The following CACNA1D variants were observed in gnomAD, a reference collection of about 807,000 sequenced individuals.
CACNA1D encodes calcium voltage-gated channel subunit alpha1 D.
CACNA1D carries 55 observed loss-of-function variants against 257.1 expected under a neutral mutation model. That is an observed-to-expected ratio of 0.21 (90% confidence interval 0.17 to 0.27). CACNA1D has a LOEUF of 0.27. CACNA1D is among the 10% of genes least tolerant of loss of function. CACNA1D has a pLI of 1.00. For missense variants in CACNA1D, 1,876 were observed against 2,784.0 expected (o/e 0.67, Z 7.34); for synonymous variants, 980 against 1,014.9 (o/e 0.97, Z 0.65).
chr3:53,702,573 G>A (rs2094637772), intron 8 of CACNA1D, 68 bp from the exon 9 acceptor site: 1 of 1,482,934 alleles, frequency 6.7e-7, no homozygotes, highest in Non-Finnish European at 9.4e-7. Context: ...TGTGCAGTAG[G>A]GCAGTGGCTC....
intron 3 of CACNA1D, among the ~76,000 whole-genome samples, chr3:53,515,883 C>A (rs570476152): frequency 3.3e-5 from 5 of 152,308 alleles, no homozygotes; most frequent in African/African-American, 4.8e-5. Context: ...TGCATCTAGT[C>A]CCACTTTCTC....
intron 7 of CACNA1D, among the ~76,000 whole-genome samples, chr3:53,672,194 C>T (rs1271268492): frequency 6.6e-6 from 1 of 152,156 alleles, no homozygotes; most frequent in African/African-American, 2.4e-5. Context: ...CACCCTTTCA[C>T]CTCTAAACCC....
chr3:53,745,396 ACG>A (rs2095158708), intron 23 of CACNA1D, among the ~76,000 whole-genome samples: 1 of 151,994 alleles, frequency 6.6e-6, no homozygotes, highest in African/African-American at 2.4e-5. Flanking sequence ...GCACACCACC[ACG>A]CCCAGCTAAT....
chr3:53,611,310 A>G (rs79239679), intron 3 of CACNA1D, among the ~76,000 whole-genome samples: 1,553 of 152,316 alleles, frequency 0.01, 30 homozygotes, highest in African/African-American at 0.036. Context: ...GCTTAAGTCC[A>G]GGAGTTGGAG....
At chr3:53,503,465 C>A (rs2090689865) in intron 3 of CACNA1D, among the ~76,000 whole-genome samples, 1 of 152,094 alleles carries the variant, frequency 6.6e-6, no homozygotes, top group South Asian at 2.1e-4. Flanking sequence ...GGATGGTGAC[C>A]CAGATTGTTA....
At chr3:53,505,894 G>C (rs2107179456) in intron 3 of CACNA1D, among the ~76,000 whole-genome samples, 1 of 152,306 alleles carries the variant, frequency 6.6e-6, no homozygotes, top group African/African-American at 2.4e-5. Flanking sequence ...GGCCAGGAAT[G>C]CTGCGGGACA....
intron 9 of CACNA1D, among the ~76,000 whole-genome samples, chr3:53,715,720 C>G (rs1186778306): frequency 6.6e-6 from 1 of 152,226 alleles, no homozygotes; most frequent in Non-Finnish European, 1.5e-5. Context: ...CACCTGCTCT[C>G]AGCCACTATC....
At chr3:53,664,673 C>G (rs1158830032) in intron 5 of CACNA1D, among the ~76,000 whole-genome samples, 1 of 146,780 alleles carries the variant, frequency 6.8e-6, no homozygotes, top group African/African-American at 2.5e-5. Flanking sequence ...CCCCACCTGG[C>G]CTTTGGGCTG....
intron 3 of CACNA1D, among the ~76,000 whole-genome samples, chr3:53,560,893 C>G (rs1193055052): frequency 6.6e-6 from 1 of 152,164 alleles, no homozygotes; most frequent in Non-Finnish European, 1.5e-5. Flanking sequence ...AATTTTCTGT[C>G]TGTTCTGGAG....
At chr3:53,763,346 A>C (rs911798265) in intron 30 of CACNA1D, among the ~76,000 whole-genome samples, 2 of 152,178 alleles carry the variant, frequency 1.3e-5, no homozygotes, top group African/African-American at 2.4e-5. Flanking sequence ...CACTCTGAGC[A>C]CCTCTCCCCC....
intron 33 of CACNA1D, chr3:53,773,800 C>T (rs780982473): frequency 6.6e-6 from 1 of 151,996 alleles, no homozygotes; most frequent in Non-Finnish European, 1.5e-5. Flanking sequence ...GTGCTATGTG[C>T]CCTGGAAGGT....
chr3:53,780,955 G>A (rs985368060), intron 38 of CACNA1D, among the ~76,000 whole-genome samples: 1 of 152,246 alleles, frequency 6.6e-6, no homozygotes, highest in African/African-American at 2.4e-5. Context: ...ATCCAGCAAA[G>A]CCAGCCTCTT....
chr3:53,548,352 CTT>C (rs34313562), intron 3 of CACNA1D, among the ~76,000 whole-genome samples: 14,912 of 71,526 alleles, frequency 0.21, 783 homozygotes, highest in Non-Finnish European at 0.28. Flanking sequence ...AGCAACAAAG[CTT>C]TTTTTTTTTT....
At chr3:53,725,626 A>C (rs1386381833) in intron 14 of CACNA1D, among the ~76,000 whole-genome samples, 2 of 152,158 alleles carry the variant, frequency 1.3e-5, no homozygotes, top group South Asian at 4.1e-4. Flanking sequence ...TGGGATGCCC[A>C]TCAGTTAGGT....
rs147329251 is a variant in CACNA1D, at chr3:53,608,429, G to A, written c.484-42350G>A. 3.7e-3 allele frequency among the ~76,000 whole-genome samples: 557 copies of A among 152,276 alleles called. 7 individuals are homozygous for A. The highest frequency in any genetic ancestry group is 0.013 in the African/African-American group (536 of 41,552). ...ATAGATCATGTCATTTGTGAACAAA[G>A]ATAGTTTTCCTTCTCCCGTTATAAT... On this transcript the variant is annotated intron_variant, in intron 3 of 47. Coordinates refer to ENST00000350061, the MANE Select transcript of CACNA1D (RefSeq NM_001128840.3).
intron 8 of CACNA1D, among the ~76,000 whole-genome samples, chr3:53,691,803 A>AAGCCT (rs2094526550): frequency 1.2e-5 from 1 of 80,166 alleles, no homozygotes; most frequent in Non-Finnish European, 2.5e-5. Flanking sequence ...TATTACATAT[A>AAGCCT]TAATATATAT....
At chr3:53,695,968 G>A (rs1263211809) in intron 8 of CACNA1D, among the ~76,000 whole-genome samples, 1 of 152,000 alleles carries the variant, frequency 6.6e-6, no homozygotes, top group Non-Finnish European at 1.5e-5. Context: ...TTTTTTGTTT[G>A]TTTGATTGTT....
At chr3:53,683,888 C>T (rs2094453118) in intron 8 of CACNA1D, among the ~76,000 whole-genome samples, 1 of 152,074 alleles carries the variant, frequency 6.6e-6, no homozygotes, top group Non-Finnish European at 1.5e-5. Flanking sequence ...TAAAGCTGAA[C>T]ATGTTGCAAG....
At chr3:53,595,381 C>A (rs2107832917) in intron 3 of CACNA1D, among the ~76,000 whole-genome samples, 1 of 152,288 alleles carries the variant, frequency 6.6e-6, no homozygotes, top group Middle Eastern at 3.4e-3. Flanking sequence ...AGAGGCCAAA[C>A]CAAGGAGTAG....
Sources: allele counts gnomAD v4.1 joint callset (sites outside exome capture counted in the v4.1 genomes callset), GRCh38; gene constraint gnomAD v4.1.1; transcripts MANE v1.5; gene names NCBI Gene and HGNC (gene_info 2026-07-23, HGNC 2026-07-21).